Variants in ADAM28 observed in about 807,000 individuals in gnomAD.
ADAM28 encodes the protein ADAM metallopeptidase domain 28.
ADAM28 carries 105 observed loss-of-function variants against 101.2 expected under a neutral mutation model. The observed-to-expected ratio is 1.04, with a 90% CI of 0.89 to 1.22. The LOEUF (loss-of-function observed/expected upper bound fraction) is 1.22, where lower values mean the gene tolerates loss of function less well. ADAM28 is among the 50% of genes most tolerant of loss of function. The pLI, the probability that ADAM28 is intolerant of heterozygous loss-of-function variation, is 0.00. For synonymous variants in ADAM28, 322 were observed against 310.6 expected, an observed-to-expected ratio of 1.04 and a Z score of -0.39; for missense variants, 1,028 against 945.4, an observed-to-expected ratio of 1.09 and a Z score of -1.15.
chr8:24,319,200 T>C (rs1811552195), intron 6 of ADAM28, among the ~76,000 whole-genome samples: 1 of 152,034 alleles, frequency 6.6e-6, no homozygotes. Context: ...TGTCTTCCAA[T>C]TTCTCTTTCC....
chr8:24,330,144 C>T, intron 11 of ADAM28, 29 bp downstream of exon 11: 1 of 1,600,182 alleles, frequency 6.2e-7, no homozygotes, highest in Non-Finnish European at 8.5e-7. Flanking sequence ...TGGGGACATG[C>T]TATGTAGCCC....
intron 2 of ADAM28, among the ~76,000 whole-genome samples, chr8:24,306,357 T>A (rs1809627774): frequency 1.3e-4 from 15 of 118,672 alleles, no homozygotes; most frequent in African/African-American, 4.1e-4. Flanking sequence ...TACAAATAAA[T>A]AAATAAATAT....
intron 11 of ADAM28, 63 bp from the exon 12 acceptor site, chr8:24,331,087 A>G: frequency 6.8e-7 from 1 of 1,476,532 alleles, no homozygotes. Flanking sequence ...GCCTAATGTC[A>G]GATACTGCTT....
In ADAM28 at chr8:24,321,138, A is replaced by G. The variant is rs1436076867; in HGVS notation, c.649-80A>G. ...TTAATTAAAATCAATAATAAGTAAT[A>G]TAAGAGAAGATGCCTTTTTAACCTT... is the stretch of plus-strand genomic sequence containing the variant. On this transcript the variant is annotated intron_variant, in intron 7 of 22. Coordinates refer to ENST00000265769, the MANE Select transcript of ADAM28 (RefSeq NM_014265.6). 8 of 776,816 alleles carry G rather than the reference A, an allele frequency of 1.0e-5. No individual in the cohort carries two copies. The South Asian group carries it at 1.1e-4, about 11-fold the overall frequency. 48.1% of individuals were successfully genotyped at this position (776,816 alleles called of 1,614,324 possible).
intron 1 of ADAM28, among the ~76,000 whole-genome samples, chr8:24,297,751 A>AG (rs1808168382): frequency 6.6e-6 from 1 of 152,234 alleles, no homozygotes; most frequent in Non-Finnish European, 1.5e-5. Context: ...TTCTGGCAGG[A>AG]GTAATTTTCT....
At chr8:24,306,371 T>TATATATAA (rs1563270612) in intron 2 of ADAM28, among the ~76,000 whole-genome samples, 2 of 136,930 alleles carry the variant, frequency 1.5e-5, no homozygotes, top group African/African-American at 5.8e-5. Flanking sequence ...TAAATATATA[T>TATATATAA]ATATATATAT....
chr8:24,307,846 T>C (rs1021129711), intron 2 of ADAM28, among the ~76,000 whole-genome samples: 3 of 152,218 alleles, frequency 2.0e-5, no homozygotes, highest in Non-Finnish European at 2.9e-5. Flanking sequence ...CTCCCTCAGA[T>C]TGAGAATTCT....
intron 2 of ADAM28, among the ~76,000 whole-genome samples, chr8:24,302,573 C>T (rs1220469213): frequency 6.6e-6 from 1 of 152,172 alleles, no homozygotes; most frequent in Non-Finnish European, 1.5e-5. Flanking sequence ...TAAACGCATT[C>T]CTATTTCTCC....
At chr8:24,305,457 T>TC (rs1234279313) in intron 2 of ADAM28, among the ~76,000 whole-genome samples, 9 of 141,688 alleles carry the variant, frequency 6.4e-5, no homozygotes, top group African/African-American at 2.4e-4. Context: ...GTTTCTTTTT[T>TC]TTTTTTTTTT....
At position 24,297,075 on chromosome 8, in the gene ADAM28, G is replaced by A. The variant is rs562468252; in HGVS notation, c.46+2880G>A. Reference sequence around the variant, plus strand: ...CTTTAGAGAATATATGGAGTGACAGGAGTTTGGAAGGAGCTGGAATTCCAT... The same window carrying A: ...CTTTAGAGAATATATGGAGTGACAGAAGTTTGGAAGGAGCTGGAATTCCAT... On this transcript the variant is annotated intron_variant, in intron 1 of 22. Coordinates refer to ENST00000265769, the MANE Select transcript of ADAM28 (RefSeq NM_014265.6). 6.6e-5 allele frequency among the ~76,000 whole-genome samples: 10 copies of A among 152,102 alleles called. No individual in the cohort carries two copies. The East Asian group carries it at 1.9e-3, about 29-fold the overall frequency.
At position 24,313,473 on chromosome 8, in the gene ADAM28, A is replaced by G; in HGVS notation, c.469A>G (p.Lys157Glu). The change falls in exon 6 of 23, where the codon AAG (lysine) becomes GAG (glutamate). Residue 157 changes from lysine to glutamate, a missense_variant. Coordinates refer to ENST00000265769, the MANE Select transcript of ADAM28 (RefSeq NM_014265.6). ...HRDGQEHALF[K>E]YNPDEKNYDS... ...GGATGGACAGGAGCATGCACTCTTC[A>G]AGTATAACCCTGATGAAAAGAATTA... 2.5e-6 allele frequency: 4 copies of G among 1,613,916 alleles called. No individual in the cohort carries two copies. The highest frequency in any genetic ancestry group is 3.4e-6 in the Non-Finnish European group (4 of 1,179,870).
chr8:24,300,455 C>T (rs191394018), intron 2 of ADAM28, among the ~76,000 whole-genome samples: 45 of 151,984 alleles, frequency 3.0e-4, no homozygotes, highest in East Asian at 1.4e-3. Flanking sequence ...CTCGCTCTGT[C>T]GCCCAGGCTG....
At chr8:24,349,995 T>G (rs1042836959) in intron 19 of ADAM28, 23 bp downstream of exon 19, 1 of 1,605,650 alleles carries the variant, frequency 6.2e-7, no homozygotes, top group African/African-American at 1.3e-5. Context: ...CTTATCTTGC[T>G]GTAGGGACTC....
chr8:24,310,129 A>T lies in ADAM28; in HGVS notation c.228-34A>T, dbSNP rs199887572. The T allele has an allele frequency of 2.1e-5, 34 of 1,606,356 alleles. No individual in the cohort carries two copies. The African/African-American group carries it at 3.5e-4, about 16-fold the overall frequency. On this transcript the variant is annotated intron_variant, in intron 3 of 22. Coordinates refer to ENST00000265769, the MANE Select transcript of ADAM28 (RefSeq NM_014265.6). ...TTCCATGGACTTAGCAATCAGCACA[A>T]GTAACCACAACATTTTTGTGTTTCT...
rs770271706 is a variant in ADAM28, at chr8:24,341,692, G to C, written c.1765G>C (p.Asp589His). The change falls in exon 16 of 23, where the codon GAT becomes CAT. Residue 589 changes from aspartate (D) to histidine (H), a missense_variant. Transcript: ENST00000265769. ...GACTTTCCTGACATGTAAAACATTT[G>C]ATCCTGAAGACACAAGTCAAGAAAT... ...IVTFLTCKTF[D>H]PEDTSQEIGM... The C allele has an allele frequency of 4.3e-6, 7 of 1,613,802 alleles. No homozygotes were observed. Among genetic ancestry groups the C allele is most frequent in the African/African-American group, 4.0e-5 (3 of 74,910 alleles).
At chr8:24,297,660 C>T (rs1011150182) in intron 1 of ADAM28, among the ~76,000 whole-genome samples, 1 of 152,176 alleles carries the variant, frequency 6.6e-6, no homozygotes, top group Non-Finnish European at 1.5e-5. Flanking sequence ...CCAGGCAGCA[C>T]GTGGGTGCCT....
chr8:24,302,497 G>A (rs565069945), intron 2 of ADAM28, among the ~76,000 whole-genome samples: 2 of 152,238 alleles, frequency 1.3e-5, no homozygotes, highest in African/African-American at 2.4e-5. Context: ...CTGGTTCTAG[G>A]TCTTTGAGGA....
Position 24,314,053 on chromosome 8 carries a change from A to G in ADAM28, c.576+473A>G, listed in dbSNP as rs960585626. 6.6e-5 allele frequency among the ~76,000 whole-genome samples: 10 copies of G among 152,294 alleles called. No individual in the cohort carries two copies. The East Asian group carries it at 1.9e-3, about 29-fold the overall frequency. ...ATTACAGGCATGAGCCACCGCACTT[A>G]GCCGGAATCAACTATTATTTTCAGC... is the stretch of plus-strand genomic sequence containing the variant. On this transcript the variant is annotated intron_variant, in intron 6 of 22. Coordinates refer to ENST00000265769, the MANE Select transcript of ADAM28 (RefSeq NM_014265.6).
chr8:24,343,090 A>G lies in ADAM28; in HGVS notation c.1831-11A>G, dbSNP rs762918812. On this transcript the variant is annotated splice_polypyrimidine_tract_variant and intron_variant, in intron 16 of 22. Coordinates refer to ENST00000265769, the MANE Select transcript of ADAM28 (RefSeq NM_014265.6). ...GAAGATGAAGCTTCATGTTTTCTACATCACTTTCAGGTTTGCATTAATGCA... is the reference window on the plus strand; with the variant it reads ...GAAGATGAAGCTTCATGTTTTCTACGTCACTTTCAGGTTTGCATTAATGCA... 5.0e-6 allele frequency: 8 copies of G among 1,613,512 alleles called. No homozygotes were observed. Among genetic ancestry groups the G allele is most frequent in the East Asian group, 2.2e-5 (1 of 44,862 alleles).
Sources: allele counts gnomAD v4.1 joint callset (sites outside exome capture counted in the v4.1 genomes callset), GRCh38; gene constraint gnomAD v4.1.1; transcripts MANE v1.5; gene names NCBI Gene and HGNC (gene_info 2026-07-23, HGNC 2026-07-21).